SNAPC4: variants seen among roughly 807,000 people sequenced by gnomAD.
SNAPC4 encodes the protein snRNA-activating protein complex subunit 4.
Under a neutral mutation model 151.3 loss-of-function variants are expected in SNAPC4, and 127 were observed. The observed-to-expected ratio is 0.84, with a 90% CI of 0.73 to 0.97. The LOEUF is 0.97. SNAPC4 is among the 50% of genes least tolerant of loss of function. The probability of loss-of-function intolerance (pLI) is 0.00; values close to 1 mark genes in which losing one functional copy is unlikely to be tolerated. For synonymous variants in SNAPC4, 1,002 were observed against 824.4 expected, an observed-to-expected ratio of 1.22 and a Z score of -3.69; for missense variants, 2,186 against 1,935.0, an observed-to-expected ratio of 1.13 and a Z score of -2.43.
At position 136,383,639 on chromosome 9, in the gene SNAPC4, C is replaced by G. The variant is rs1330803638; in HGVS notation, c.1530G>C (p.Arg510=). The change falls in exon 16 of 24, where the codon CGG becomes CGC. Residue 510 remains arginine, a synonymous_variant. Transcript: ENST00000684778. The surrounding 1 kb of genome is among the most constrained non-coding windows in gnomAD (Gnocchi z 4.2). The part of the protein sequence containing the change: ...GKKQGLRRRR[R]RARHSVRWSS... The stretch of plus-strand genomic sequence containing the variant: ...TCCACCGGACGCTGTGACGGGCCCT[C>G]CGCCGCCGCCTCCGGAGACCCTGCT... 2 of 1,609,272 alleles carry G rather than the reference C, an allele frequency of 1.2e-6. No individual in the cohort carries two copies. The highest frequency in any genetic ancestry group is 2.2e-5 in the East Asian group (1 of 44,808).
Position 136,383,355 on chromosome 9 carries a change from C to T in SNAPC4, c.1814G>A (p.Ser605Asn), listed in dbSNP as rs763899651. Residue 605 changes from serine to asparagine, a missense_variant, in exon 16 of 24, where the codon AGT becomes AAT. Transcript: ENST00000684778. This position sits in a 1 kb window ranked among gnomAD's most constrained non-coding sequence, Gnocchi z 4.2. ...TTCCTTGCTGCCGCCCTGGCTGGCA[C>T]TGGACCCCTTGGGAGGGCTGAGGGA... ...AASLSPPKGSSASQGGSKEAS... is the reference protein window; with the variant it reads ...AASLSPPKGSNASQGGSKEAS... 1.9e-6 allele frequency: 3 copies of T among 1,607,566 alleles called. No individual in the cohort carries two copies. Among genetic ancestry groups the T allele is most frequent in the Non-Finnish European group, 2.5e-6 (3 of 1,177,540 alleles).
chr9:136,376,492 A>G lies in SNAPC4; in HGVS notation c.4285-11T>C. The G allele has an allele frequency of 6.2e-7, 1 of 1,612,700 alleles. No homozygotes were observed. The highest frequency in any genetic ancestry group is 8.5e-7 in the Non-Finnish European group (1 of 1,179,640). On this transcript the variant is annotated splice_polypyrimidine_tract_variant and intron_variant, in intron 22 of 23. Transcript: ENST00000684778. ...AGAGTCTGGGGCTCCCTGAAAGAAA[A>G]TCCAGGCAGTGGGGACAAGAGTGAC...
At chr9:136,392,643 C>T (rs1042558213) in intron 8 of SNAPC4, 30 bp downstream of exon 8, 2 of 1,612,730 alleles carry the variant, frequency 1.2e-6, no homozygotes, top group Admixed American at 1.7e-5. Context: ...TTGTGGGCTC[C>T]CCTGGGCCCT....
chr9:136,387,304 C>G (rs533217374), intron 13 of SNAPC4, among the ~76,000 whole-genome samples, 181 bp downstream of exon 13: 75 of 152,334 alleles, frequency 4.9e-4, no homozygotes, highest in African/African-American at 1.7e-3. Context: ...CTCAGCCGGG[C>G]CAACCCTGGC....
intron 10 of SNAPC4, among the ~76,000 whole-genome samples, chr9:136,391,206 C>T (rs1310646649): frequency 6.6e-6 from 1 of 152,182 alleles, no homozygotes. Context: ...AGAGAACATA[C>T]CTTTTTCTTA....
intron 14 of SNAPC4, 108 bp downstream of exon 14, chr9:136,384,612 G>A (rs994372594): frequency 8.2e-5 from 48 of 588,808 alleles, no homozygotes; most frequent in Non-Finnish European, 1.1e-4. Flanking sequence ...TCGCACCACC[G>A]CACCCCAGCC....
Position 136,392,091 on chromosome 9 carries a change from T to C in SNAPC4, c.826A>G (p.Ser276Gly), listed in dbSNP as rs1183842249. Residue 276 changes from serine to glycine, a missense_variant, in exon 10 of 24, where the codon AGT becomes GGT. Ser to Gly is a moderately conservative substitution (Grantham distance 56). Transcript: ENST00000684778. ...CAGAACTTCCGGATCTCCTCTGCAC[T>C]GCGGCTGCCTTCAAACTGCACCGAC... The part of the protein sequence containing the change: ...ISNINFEGSR[S>G]AEEIRKFWQN... 5 of 1,612,280 alleles carry C rather than the reference T, an allele frequency of 3.1e-6. No individual in the cohort carries two copies. In the East Asian group the frequency reaches 8.9e-5, roughly 29 times the overall value.
intron 3 of SNAPC4, among the ~76,000 whole-genome samples, chr9:136,396,324 A>T (rs1834272410): frequency 6.6e-6 from 1 of 152,278 alleles, no homozygotes; most frequent in Non-Finnish European, 1.5e-5. Flanking sequence ...AGGAAGCAGC[A>T]AATCGCCAAC....
chr9:136,390,751 G>A (rs1229993836), intron 10 of SNAPC4, among the ~76,000 whole-genome samples: 2 of 151,164 alleles, frequency 1.3e-5, no homozygotes, highest in South Asian at 2.1e-4. Flanking sequence ...AAAAAAGAAA[G>A]CAGACCCCGA....
intron 7 of SNAPC4, 81 bp downstream of exon 7, chr9:136,394,168 G>T: frequency 2.7e-6 from 3 of 1,124,676 alleles, no homozygotes; most frequent in Non-Finnish European, 2.7e-6. Context: ...TCCTGCCTTG[G>T]CCTCCCAAAG....
rs986492254 is a variant in SNAPC4, at chr9:136,377,828, C to A, written c.3999G>T (p.Val1333=). 1 of 1,611,552 alleles carries A rather than the reference C, an allele frequency of 6.2e-7. No homozygotes were observed. The highest frequency in any genetic ancestry group is 2.2e-5 in the East Asian group (1 of 44,868). The change falls in exon 22 of 24, where the codon GTG becomes GTT. Residue 1333 remains valine (V), a synonymous_variant. Coordinates refer to ENST00000684778, the MANE Select transcript of SNAPC4 (RefSeq NM_003086.4). ...ALEHKATSLV[V]GGEAERPAGA... is the part of the protein sequence containing the mutation. ...CGGCCGGCCGCTCAGCCTCGCCCCC[C>A]ACCACCAGGGAGGTGGCCTTGTGCT...
At chr9:136,389,782 C>G (rs1256415529) in intron 10 of SNAPC4, among the ~76,000 whole-genome samples, 2 of 152,086 alleles carry the variant, frequency 1.3e-5, no homozygotes, top group African/African-American at 4.8e-5. Flanking sequence ...CTGGGCCCTG[C>G]TCGGGTAGCT....
chr9:136,390,124 C>T (rs1031913493), intron 10 of SNAPC4, among the ~76,000 whole-genome samples: 12 of 152,140 alleles, frequency 7.9e-5, no homozygotes, highest in Non-Finnish European at 1.6e-4. Context: ...GGACTCGACA[C>T]ACCAGACCCA....
rs541414660 is a variant in SNAPC4, at chr9:136,398,317, C to G, written c.112G>C (p.Glu38Gln). ...GGCTTACCTGCTTCAGAATCTGACTCGAGACTTGATTCTGAGATCTCCACG... is the reference window on the plus strand; with the variant it reads ...GGCTTACCTGCTTCAGAATCTGACTGGAGACTTGATTCTGAGATCTCCACG... ...SHVEISESSLESDSEADSLPS... is the reference protein window; with the variant it reads ...SHVEISESSLQSDSEADSLPS... The change falls in exon 2 of 24, where the codon GAG becomes CAG. Residue 38 changes from glutamate (E) to glutamine (Q), a missense_variant. Glu to Gln is a conservative substitution (Grantham distance 29). Coordinates refer to ENST00000684778, the MANE Select transcript of SNAPC4 (RefSeq NM_003086.4). 8 of 1,612,312 alleles carry G rather than the reference C, an allele frequency of 5.0e-6. No individual in the cohort carries two copies. The highest frequency in any genetic ancestry group is 6.8e-6 in the Non-Finnish European group (8 of 1,179,268).
chr9:136,392,979 G>A (rs893020950), intron 7 of SNAPC4, among the ~76,000 whole-genome samples: 1 of 152,222 alleles, frequency 6.6e-6, no homozygotes, highest in Non-Finnish European at 1.5e-5. Flanking sequence ...GGGCTGCAGT[G>A]TCTGCTGACA....
At chr9:136,397,528 TGGAGGAGAGCATGTGG>T (rs1209692463) in intron 2 of SNAPC4, among the ~76,000 whole-genome samples, 2 of 107,084 alleles carry the variant, frequency 1.9e-5, no homozygotes, top group Non-Finnish European at 3.8e-5. Flanking sequence ...AAAGGGAGCA[TGGAGGAGAGCATGTGG>T]GGAGGGGAGC....
chr9:136,394,172 C>A (rs1385434689), intron 7 of SNAPC4, 77 bp downstream of exon 7: 8 of 1,218,184 alleles, frequency 6.6e-6, no homozygotes, highest in Non-Finnish European at 9.7e-6. Context: ...GCCTTGGCCT[C>A]CCAAAGTGCT....
At chr9:136,379,762 A>T in intron 21 of SNAPC4, 75 bp downstream of exon 21, 1 of 1,404,370 alleles carries the variant, frequency 7.1e-7, no homozygotes, top group South Asian at 1.2e-5. Context: ...GGTGAAAGCC[A>T]GGGCCAGGTT....
intron 22 of SNAPC4, 104 bp from the exon 23 acceptor site, chr9:136,376,585 T>G: frequency 3.6e-6 from 5 of 1,383,888 alleles, no homozygotes; most frequent in Non-Finnish European, 5.1e-6. Flanking sequence ...AGTGTCCCAC[T>G]TGGGACAGGG....
Sources: allele counts gnomAD v4.1 joint callset (sites outside exome capture counted in the v4.1 genomes callset), GRCh38; gene constraint gnomAD v4.1.1; non-coding constraint Gnocchi (gnomAD v3.1); transcripts MANE v1.5; gene names NCBI Gene and HGNC (gene_info 2026-07-23, HGNC 2026-07-21).